UACA: variants seen among roughly 807,000 people sequenced by gnomAD.
UACA encodes nuclear membrane binding protein.
A neutral mutation model predicts 160.5 loss-of-function variants in UACA; 112 were observed. The ratio of observed to expected loss-of-function variants is 0.70; its 90% CI spans 0.60 to 0.82. UACA has a LOEUF of 0.82. UACA is among the 40% of genes least tolerant of loss of function. UACA has a pLI of 0.00. For missense variants in UACA, 1,574 were observed against 1,614.6 expected, an observed-to-expected ratio of 0.97 and a Z score of 0.43; for synonymous variants, 557 against 568.4, an observed-to-expected ratio of 0.98 and a Z score of 0.29.
At chr15:70,679,065 T>C (rs1195274233) in intron 10 of UACA, among the ~76,000 whole-genome samples, 1 of 152,150 alleles carries the variant, frequency 6.6e-6, no homozygotes, top group Non-Finnish European at 1.5e-5. Context: ...TTAAATTTTA[T>C]AATACTGGAC....
intron 1 of UACA, among the ~76,000 whole-genome samples, chr15:70,759,592 T>G (rs1595929142): frequency 6.6e-6 from 1 of 152,096 alleles, no homozygotes; most frequent in South Asian, 2.1e-4. Flanking sequence ...GAGGCGGAGG[T>G]TGCAGTGAGC....
the UACA span, among the ~76,000 whole-genome samples, chr15:70,770,594 T>C: frequency 6.6e-6 from 1 of 152,198 alleles, no homozygotes; most frequent in African/African-American, 2.4e-5. Flanking sequence ...TCAAAAGAGC[T>C]ACATTTTAAT....
intron 1 of UACA, among the ~76,000 whole-genome samples, chr15:70,751,584 C>T (rs915463442): frequency 6.6e-6 from 1 of 152,172 alleles, no homozygotes; most frequent in South Asian, 2.1e-4. Flanking sequence ...ATCCTATTTT[C>T]CAAATGAAGA....
chr15:70,742,541 TAA>T (rs764633571), intron 1 of UACA, among the ~76,000 whole-genome samples: 2 of 152,294 alleles, frequency 1.3e-5, no homozygotes, highest in East Asian at 3.9e-4. Context: ...CAAATAAAAT[TAA>T]GTTCTTAGTT....
intron 1 of UACA, among the ~76,000 whole-genome samples, chr15:70,718,321 AGAATGTGTGTGTGTG>A (rs1566989719): frequency 8.8e-5 from 6 of 68,150 alleles, no homozygotes; most frequent in African/African-American, 2.3e-4. Flanking sequence ...AGAGAGAGAG[AGAATGTGTGTGTGTG>A]TGTGTGTGTG....
chr15:70,761,565 A>G (rs962733030), intron 1 of UACA, among the ~76,000 whole-genome samples: 4 of 152,170 alleles, frequency 2.6e-5, no homozygotes, highest in Non-Finnish European at 5.9e-5. Context: ...CTACAGTTTT[A>G]TTTTAAAATT....
At chr15:70,748,130 G>A (rs749025965) in intron 1 of UACA, among the ~76,000 whole-genome samples, 9 of 152,082 alleles carry the variant, frequency 5.9e-5, no homozygotes, top group Non-Finnish European at 4.4e-5. Flanking sequence ...CAAGGGGGCT[G>A]GATAATGGTC....
chr15:70,751,693 G>A (rs1323640358), intron 1 of UACA, among the ~76,000 whole-genome samples: 1 of 152,160 alleles, frequency 6.6e-6, no homozygotes, highest in Non-Finnish European at 1.5e-5. Flanking sequence ...GTTTGACCCT[G>A]TATCATCAAT....
chr15:70,694,303 G>GTACAAACTTCTTTGATA (rs1898049470), intron 3 of UACA, among the ~76,000 whole-genome samples: 1 of 152,146 alleles, frequency 6.6e-6, no homozygotes, highest in Non-Finnish European at 1.5e-5. Context: ...CTTCTTTGAT[G>GTACAAACTTCTTTGATA]TACAAACCTT....
At chr15:70,699,424 TTTC>T (rs1445874135) in intron 2 of UACA, 100 bp downstream of exon 2, 1 of 1,360,690 alleles carries the variant, frequency 7.3e-7, no homozygotes, top group Non-Finnish European at 1.0e-6. Flanking sequence ...TTTGGCAGAA[TTTC>T]TTAATAAGTA....
In UACA at chr15:70,669,106, G is replaced by T; in HGVS notation, c.1578C>A (p.His526Gln). The part of the protein sequence containing the change: ...MQTHFLALKE[H>Q]LTSEAASGNH... ...TCCCTGAGGCTGCTTCACTTGTTAAGTGTTCTTTAAGGGCAAGAAAATGGG... is the reference window on the plus strand; with the variant it reads ...TCCCTGAGGCTGCTTCACTTGTTAATTGTTCTTTAAGGGCAAGAAAATGGG... The change falls in exon 16 of 19, where the codon CAC becomes CAA. Residue 526 changes from histidine to glutamine, a missense_variant. By Grantham distance (24) the His-to-Gln change is conservative. Coordinates refer to ENST00000322954, the MANE Select transcript of UACA (RefSeq NM_018003.4). 1 of 1,614,066 alleles carries T rather than the reference G, an allele frequency of 6.2e-7. No individual in the cohort carries two copies. The highest frequency in any genetic ancestry group is 1.3e-5 in the African/African-American group (1 of 75,026).
intron 1 of UACA, among the ~76,000 whole-genome samples, chr15:70,741,025 C>A (rs767691293): frequency 6.6e-6 from 1 of 150,806 alleles, no homozygotes; most frequent in Non-Finnish European, 1.5e-5. Flanking sequence ...GGCAAAAGTG[C>A]TCAAAAAAAT....
intron 1 of UACA, among the ~76,000 whole-genome samples, chr15:70,725,449 A>G (rs1331034507): frequency 1.3e-5 from 2 of 152,214 alleles, no homozygotes; most frequent in African/African-American, 2.4e-5. Flanking sequence ...ACTCAGTAAT[A>G]TAAGAAAAGC....
In UACA at chr15:70,668,664, C is replaced by T. The variant is rs1307499623; in HGVS notation, c.2020G>A (p.Val674Ile). The T allele has an allele frequency of 1.2e-6, 2 of 1,613,966 alleles. No individual in the cohort carries two copies. The highest frequency in any genetic ancestry group is 1.3e-5 in the African/African-American group (1 of 74,930). ...ACGTGCTGAGCAAGCTTGGCCTTAACATTCTCAAGTTCTCTCTTTAACTGT... is the reference window on the plus strand; with the variant it reads ...ACGTGCTGAGCAAGCTTGGCCTTAATATTCTCAAGTTCTCTCTTTAACTGT... ...IRQLKRELEN[V>I]KAKLAQHVKP... Residue 674 changes from valine to isoleucine, a missense_variant, in exon 16 of 19, where the codon GTT becomes ATT. Physicochemically the swap from Val to Ile is conservative, Grantham distance 29. Coordinates refer to ENST00000322954, the MANE Select transcript of UACA (RefSeq NM_018003.4).
chr15:70,773,469 G>T, the UACA span, among the ~76,000 whole-genome samples: 2 of 152,170 alleles, frequency 1.3e-5, 1 homozygote, highest in African/African-American at 4.8e-5. Context: ...TAGGCTGGGA[G>T]GAGAATGATC....
intron 1 of UACA, among the ~76,000 whole-genome samples, chr15:70,703,486 C>A (rs1165713683): frequency 6.6e-6 from 1 of 151,912 alleles, no homozygotes; most frequent in Non-Finnish European, 1.5e-5. Context: ...TGTTTTTTCC[C>A]CCAAACCACG....
intron 13 of UACA, among the ~76,000 whole-genome samples, chr15:70,672,524 T>C (rs971822771): frequency 2.0e-5 from 3 of 152,320 alleles, no homozygotes; most frequent in East Asian, 1.9e-4. Flanking sequence ...GACCTACACA[T>C]AGTAATAAAT....
At position 70,655,704 on chromosome 15, in the gene UACA, C is replaced by T. The variant is rs538685435; in HGVS notation, c.*1352G>A. The T allele has an allele frequency of 1.1e-4, 16 of 152,138 alleles. No homozygotes were observed. Among genetic ancestry groups the T allele is most frequent in the Admixed American group, 6.5e-4 (10 of 15,286 alleles). The allele number at this position is 152,138 out of a possible 1,614,324, so 9.4% of individuals were successfully genotyped here. A position where few individuals can be genotyped will look rare whatever the true frequency, so the allele number is the denominator to read the frequency against. The stretch of plus-strand genomic sequence containing the variant: ...TCTGACTTTCAATGTTGTTTCAACA[C>T]CGAAAAAATATGATGGCTTATTCTT... On this transcript the variant is annotated 3_prime_UTR_variant, in exon 19 of 19. Coordinates refer to ENST00000322954, the MANE Select transcript of UACA (RefSeq NM_018003.4).
chr15:70,756,823 A>G (rs1009414928), intron 1 of UACA, among the ~76,000 whole-genome samples: 6 of 152,224 alleles, frequency 3.9e-5, no homozygotes, highest in African/African-American at 1.2e-4. Context: ...CAGTGAGCAG[A>G]GATCACACCA....
Sources: allele counts gnomAD v4.1 joint callset (sites outside exome capture counted in the v4.1 genomes callset), GRCh38; gene constraint gnomAD v4.1.1; transcripts MANE v1.5; gene names NCBI Gene and HGNC (gene_info 2026-07-23, HGNC 2026-07-21).